ADAMTS6: variants seen among roughly 807,000 people sequenced by gnomAD.
ADAMTS6 encodes A disintegrin and metalloproteinase with thrombospondin motifs 6.
In ADAMTS6, 23 loss-of-function variants were observed where a neutral mutation model predicts 144.3. The ratio of observed to expected loss-of-function variants is 0.16; its 90% CI spans 0.11 to 0.23. The LOEUF is 0.23. Among genes scored for constraint, ADAMTS6 ranks in the 10% least tolerant of loss-of-function variants. ADAMTS6 has a pLI of 1.00. For missense variants in ADAMTS6, 999 were observed against 1,379.6 expected (o/e 0.72, Z 4.37); for synonymous variants, 444 against 457.5 (o/e 0.97, Z 0.38).
At chr5:65,347,551 G>C (rs1449641622) in intron 7 of ADAMTS6, among the ~76,000 whole-genome samples, 3 of 151,336 alleles carry the variant, frequency 2.0e-5, no homozygotes, top group African/African-American at 7.3e-5. Context: ...AAGACTACTA[G>C]AAAAAAAACA....
rs573856545 is a variant in ADAMTS6, at chr5:65,445,408, G to C, written c.1073+6067C>G. Among the ~76,000 whole-genome samples the C allele has an allele frequency of 2.6e-5, 4 of 152,278 alleles. No individual in the cohort carries two copies. In the South Asian group the frequency reaches 8.3e-4, roughly 32 times the overall value. ...GCTGGAGTGCAGTGGTGCAATCTCA[G>C]TTCACTGCAATCTCCGCCTCTCGGG... On this transcript the variant is annotated intron_variant, in intron 7 of 24. Transcript: ENST00000381055.
chr5:65,285,507 A>T (rs1172789654), intron 11 of ADAMTS6, among the ~76,000 whole-genome samples: 7 of 152,172 alleles, frequency 4.6e-5, no homozygotes, highest in Admixed American at 3.9e-4. Flanking sequence ...TTACACTCCC[A>T]TTATAATTAT....
At chr5:65,379,311 G>A (rs1751829173) in intron 7 of ADAMTS6, among the ~76,000 whole-genome samples, 1 of 152,112 alleles carries the variant, frequency 6.6e-6, no homozygotes, top group African/African-American at 2.4e-5. Flanking sequence ...TGTCTCTAGG[G>A]ATTGAACCCC....
chr5:65,321,711 T>TC (rs1745628314), intron 9 of ADAMTS6, among the ~76,000 whole-genome samples: 1 of 89,092 alleles, frequency 1.1e-5, no homozygotes, highest in East Asian at 2.3e-4. Flanking sequence ...TCTTTTCCTT[T>TC]TTTTTTTTTT....
chr5:65,276,400 G>A (rs933129552), intron 11 of ADAMTS6, among the ~76,000 whole-genome samples: 11 of 152,160 alleles, frequency 7.2e-5, no homozygotes, highest in African/African-American at 2.7e-4. Flanking sequence ...AGGCTCTGAA[G>A]AGTTTTCAGA....
chr5:65,205,263 A>C (rs1756007463), intron 20 of ADAMTS6, among the ~76,000 whole-genome samples: 2 of 152,186 alleles, frequency 1.3e-5, no homozygotes, highest in South Asian at 4.1e-4. Flanking sequence ...TACGTCCGTA[A>C]AACATAAGTC....
intron 22 of ADAMTS6, among the ~76,000 whole-genome samples, chr5:65,179,017 C>G (rs1322928041): frequency 6.8e-6 from 1 of 147,790 alleles, no homozygotes; most frequent in East Asian, 2.0e-4. Context: ...TTCGCTAACG[C>G]CTACAAAGTG....
chr5:65,432,989 T>C (rs777537831), intron 7 of ADAMTS6, among the ~76,000 whole-genome samples: 5 of 152,126 alleles, frequency 3.3e-5, no homozygotes, highest in African/African-American at 4.8e-5. Context: ...TACCCACTCT[T>C]TCCCCTCTAA....
At chr5:65,310,075 T>G (rs1332940576) in intron 9 of ADAMTS6, among the ~76,000 whole-genome samples, 1 of 151,984 alleles carries the variant, frequency 6.6e-6, no homozygotes, top group East Asian at 1.9e-4. Flanking sequence ...GAGTGAGTTC[T>G]TGTGAGATCT....
At chr5:65,201,313 T>C (rs1336781262) in intron 20 of ADAMTS6, among the ~76,000 whole-genome samples, 1 of 151,016 alleles carries the variant, frequency 6.6e-6, no homozygotes, top group African/African-American at 2.4e-5. Context: ...AGCTGCCCAA[T>C]GTTCTCATGT....
At chr5:65,259,178 G>A (rs1256457057) in intron 14 of ADAMTS6, among the ~76,000 whole-genome samples, 1 of 149,420 alleles carries the variant, frequency 6.7e-6, no homozygotes, top group African/African-American at 2.5e-5. Context: ...CCAATGTGGT[G>A]AAACCCCAGT....
chr5:65,202,278 T>C (rs1755787661), intron 20 of ADAMTS6, among the ~76,000 whole-genome samples: 1 of 152,214 alleles, frequency 6.6e-6, no homozygotes, highest in African/African-American at 2.4e-5. Flanking sequence ...AAAAGCAAAA[T>C]GTAGCTCTAA....
At position 65,214,883 on chromosome 5, in the gene ADAMTS6, G is replaced by T; in HGVS notation, c.2486C>A (p.Pro829His). The T allele has an allele frequency of 1.9e-6, 3 of 1,613,998 alleles. No homozygotes were observed. The highest frequency in any genetic ancestry group is 2.5e-6 in the Non-Finnish European group (3 of 1,179,990). ...ATCTCCACTGCCAGTTCGAGTGATGGGAACATTGAACTTATACCTAATTCC... is the reference window on the plus strand; with the variant it reads ...ATCTCCACTGCCAGTTCGAGTGATGTGAACATTGAACTTATACCTAATTCC... ...NLGIRYKFNV[P>H]ITRTGSGDNE... The change falls in exon 20 of 25, where the codon CCC (proline) becomes CAC (histidine). Residue 829 changes from proline (P) to histidine (H), a missense_variant. Pro to His is a moderately conservative substitution (Grantham distance 77). This residue lies in a region of ADAMTS6 where 619 missense variants were observed against 837.0 expected (regional missense o/e 0.74). Transcript: ENST00000381055. This position sits in a 1 kb window ranked among gnomAD's most constrained non-coding sequence, Gnocchi z 4.6.
At position 65,471,042 on chromosome 5, in the gene ADAMTS6, G is replaced by A; in HGVS notation, c.198C>T (p.His66=). Residue 66 remains histidine (H), a synonymous_variant, in exon 3 of 25, where the codon CAC becomes CAT. Transcript: ENST00000381055. ...GGTCCATACTCCGTCTTCTCCTTGA[G>A]TGTTTATCATTTTTCACAGTAAAGC... is the stretch of plus-strand genomic sequence containing the variant. ...FLSFTVKNDK[H]SRRRRSMDPI... The A allele has an allele frequency of 1.2e-6, 2 of 1,611,816 alleles. No homozygotes were observed. Among genetic ancestry groups the A allele is most frequent in the Middle Eastern group, 1.7e-4 (1 of 6,050 alleles).
At chr5:65,408,269 A>G (rs571524963) in intron 7 of ADAMTS6, among the ~76,000 whole-genome samples, 35 of 152,310 alleles carry the variant, frequency 2.3e-4, no homozygotes, top group African/African-American at 8.2e-4. Flanking sequence ...ACGTGCAGAG[A>G]CACACATAGG....
intron 14 of ADAMTS6, among the ~76,000 whole-genome samples, chr5:65,253,812 C>CTTTTTTTTTTTT (rs759508097): frequency 6.0e-5 from 4 of 66,964 alleles, no homozygotes; most frequent in African/African-American, 1.3e-4. Context: ...AATATTCAAT[C>CTTTTTTTTTTTT]TTTTTTTTTT....
chr5:65,271,534 C>T (rs10461502), intron 12 of ADAMTS6, among the ~76,000 whole-genome samples: 44,433 of 151,778 alleles, frequency 0.29, 6,741 homozygotes, highest in Admixed American at 0.37. Flanking sequence ...ATCATATATA[C>T]GCACATATAT....
chr5:65,323,970 T>C (rs902605021), intron 9 of ADAMTS6, among the ~76,000 whole-genome samples: 8 of 152,156 alleles, frequency 5.3e-5, no homozygotes, highest in Non-Finnish European at 1.2e-4. Flanking sequence ...GGGTTGTTTG[T>C]TTTTTTCTTG....
intron 23 of ADAMTS6, among the ~76,000 whole-genome samples, chr5:65,171,286 G>T (rs1427868821): frequency 6.6e-6 from 1 of 152,156 alleles, no homozygotes; most frequent in Non-Finnish European, 1.5e-5. Context: ...TGGGATTACA[G>T]GTGTGAGCCA....
Sources: allele counts gnomAD v4.1 joint callset (sites outside exome capture counted in the v4.1 genomes callset), GRCh38; gene constraint gnomAD v4.1.1; regional missense constraint gnomAD v4.1.1; non-coding constraint Gnocchi (gnomAD v3.1); transcripts MANE v1.5; gene names NCBI Gene and HGNC (gene_info 2026-07-23, HGNC 2026-07-21).